Variants in SLIT1 observed in about 807,000 individuals in gnomAD.
SLIT1 encodes slit homolog 1 protein.
In SLIT1, 66 loss-of-function variants were observed where a neutral mutation model predicts 186.1. The ratio of observed to expected loss-of-function variants is 0.35; its 90% confidence interval spans 0.29 to 0.44. The LOEUF (loss-of-function observed/expected upper bound fraction) is 0.44, where lower values mean the gene tolerates loss of function less well. Ranked by LOEUF, SLIT1 falls within the 20% of genes least tolerant of loss-of-function variation. SLIT1 has a pLI of 1.00. For missense variants in SLIT1, 1,638 were observed against 2,037.4 expected, an observed-to-expected ratio of 0.80 and a Z score of 3.77; for synonymous variants, 761 against 833.8, an observed-to-expected ratio of 0.91 and a Z score of 1.50.
intron 12 of SLIT1, 112 bp from the exon 13 acceptor site, chr10:97,056,576 A>T: frequency 5.9e-6 from 7 of 1,187,252 alleles, no homozygotes; most frequent in Non-Finnish European, 8.5e-6. Flanking sequence ...GGAGGAGCCC[A>T]TCGGAGCAGG....
rs189458543 is a variant in SLIT1 at position 97,081,515 on chromosome 10, C to T, written c.414-15429G>A. ...CATTCTTCCACACCTCAGTCTTCTACGGGGCTGTCACACCCTGTCAGTCTT... is the reference window on the plus strand; with the variant it reads ...CATTCTTCCACACCTCAGTCTTCTATGGGGCTGTCACACCCTGTCAGTCTT... On this transcript the variant is annotated intron_variant, in intron 4 of 36. Transcript: ENST00000266058. 3.9e-5 allele frequency among the ~76,000 whole-genome samples: 6 copies of T among 152,220 alleles called. No individual in the cohort carries two copies. The East Asian group carries it at 7.7e-4, about 20-fold the overall frequency.
rs5787218 is a variant in SLIT1, at chr10:97,106,387, A to AGAATGAAT, written c.414-40309_414-40302dup. On this transcript the variant is annotated intron_variant, in intron 4 of 36. Transcript: ENST00000266058. The stretch of plus-strand genomic sequence containing the variant: ...GACTAGGGGAGGGAGAGAGACAGAG[A>AGAATGAAT]GAATGAATGAATGAATGAACGAATG... Among the ~76,000 whole-genome samples the AGAATGAAT allele has an allele frequency of 9.7e-5, 14 of 144,916 alleles. No individual in the cohort carries two copies. The South Asian group carries it at 1.1e-3, about 11-fold the overall frequency.
At chr10:97,141,756 CGTATCGTATT>C (rs1381906859) in intron 4 of SLIT1, among the ~76,000 whole-genome samples, 1 of 141,224 alleles carries the variant, frequency 7.1e-6, no homozygotes, top group Non-Finnish European at 1.5e-5. Context: ...CGTATCGTAT[CGTATCGTATT>C]GTATCGTACT....
At chr10:97,132,101 G>A (rs111725449) in intron 4 of SLIT1, among the ~76,000 whole-genome samples, 1 of 152,178 alleles carries the variant, frequency 6.6e-6, no homozygotes, top group Non-Finnish European at 1.5e-5. Context: ...CATGCCCCAG[G>A]CTCACTGCCC....
intron 1 of SLIT1, among the ~76,000 whole-genome samples, chr10:97,166,569 G>GAGAGAGAAAGAAAGAA (rs1444883867): frequency 3.4e-5 from 2 of 58,962 alleles, no homozygotes; most frequent in South Asian, 5.6e-4. Context: ...GAGAGAGAGA[G>GAGAGAGAAAGAAAGAA]AGAAAGAAAG....
At chr10:97,137,620 CTA>C (rs1334682276) in intron 4 of SLIT1, among the ~76,000 whole-genome samples, 1 of 152,070 alleles carries the variant, frequency 6.6e-6, no homozygotes, top group Admixed American at 6.6e-5. Flanking sequence ...AGGTCTCACT[CTA>C]TGCCCAGGCT....
intron 4 of SLIT1, among the ~76,000 whole-genome samples, chr10:97,143,099 A>G (rs1589409514): frequency 6.6e-6 from 1 of 152,194 alleles, no homozygotes; most frequent in Admixed American, 6.5e-5. Flanking sequence ...TAAAAATAGA[A>G]CTGCCATATG....
intron 4 of SLIT1, among the ~76,000 whole-genome samples, chr10:97,104,979 G>A (rs926231537): frequency 5.3e-5 from 8 of 151,712 alleles, no homozygotes; most frequent in African/African-American, 7.3e-5. Flanking sequence ...GCTTATCTGC[G>A]GGGCTTAGCC....
intron 4 of SLIT1, among the ~76,000 whole-genome samples, chr10:97,133,822 G>A (rs1330045296): frequency 6.6e-6 from 1 of 152,144 alleles, no homozygotes; most frequent in African/African-American, 2.4e-5. Flanking sequence ...GGATCTGGAT[G>A]TTTCATAGGC....
Position 97,010,923 on chromosome 10 carries a change from G to A in SLIT1, c.3341+70C>T, listed in dbSNP as rs1564652859. 3 of 1,497,396 alleles carry A rather than the reference G, an allele frequency of 2.0e-6. No individual in the cohort carries two copies. The highest frequency in any genetic ancestry group is 1.4e-5 in the African/African-American group (1 of 71,860). 92.8% of individuals were successfully genotyped at this position (1,497,396 alleles called of 1,614,324 possible). On this transcript the variant is annotated intron_variant, in intron 31 of 36. Transcript: ENST00000266058. This position sits in a 1 kb window ranked among gnomAD's most constrained non-coding sequence, Gnocchi z 4.8. ...CACACCCCTTTCCTTCGCCATGGCT[G>A]GAGGCTCCTGCCAGCCCAGGGGCTG...
intron 4 of SLIT1, among the ~76,000 whole-genome samples, chr10:97,108,167 G>T (rs968599884): frequency 1.3e-5 from 2 of 152,164 alleles, no homozygotes; most frequent in Admixed American, 6.5e-5. Flanking sequence ...CCCCTGGGGT[G>T]GCATCAGCAC....
At chr10:97,061,779 T>C (rs1355705462) in intron 8 of SLIT1, among the ~76,000 whole-genome samples, 1 of 152,194 alleles carries the variant, frequency 6.6e-6, no homozygotes, top group East Asian at 1.9e-4. Flanking sequence ...ACACACCTAG[T>C]AGGAGTTGGA....
At chr10:97,064,301 C>T (rs774230949) in intron 6 of SLIT1, 62 bp from the exon 7 acceptor site, 4 of 1,392,342 alleles carry the variant, frequency 2.9e-6, no homozygotes, top group Non-Finnish European at 4.1e-6. Context: ...TGGGACAGGG[C>T]CGCCCTGCTA....
At chr10:97,001,897 C>T (rs1848313202) in intron 36 of SLIT1, among the ~76,000 whole-genome samples, 1 of 152,080 alleles carries the variant, frequency 6.6e-6, no homozygotes, top group South Asian at 2.1e-4. Flanking sequence ...GGAGCTGTTA[C>T]CCTGGGTGGT....
At position 97,062,158 on chromosome 10, in the gene SLIT1, C is replaced by T. The variant is rs150529027; in HGVS notation, c.793+1297G>A. Among the ~76,000 whole-genome samples, 39 of 152,366 alleles carry T rather than the reference C, an allele frequency of 2.6e-4. No homozygotes were observed. In the East Asian group the frequency reaches 5.8e-3, roughly 23 times the overall value. Reference sequence around the variant, plus strand: ...GCAGCTGCAATGATGCAGAGGCAGTCCTGGCTCACACAAGAGACATGCACA... The same window carrying T: ...GCAGCTGCAATGATGCAGAGGCAGTTCTGGCTCACACAAGAGACATGCACA... On this transcript the variant is annotated intron_variant, in intron 8 of 36. Transcript: ENST00000266058.
chr10:97,172,178 G>T (rs1417477606), intron 1 of SLIT1, among the ~76,000 whole-genome samples: 4 of 151,988 alleles, frequency 2.6e-5, no homozygotes, highest in Non-Finnish European at 5.9e-5. Context: ...AAGTAGCTGG[G>T]ATTACAGGCA....
intron 4 of SLIT1, among the ~76,000 whole-genome samples, chr10:97,072,664 G>A (rs1279072063): frequency 6.6e-6 from 1 of 152,216 alleles, no homozygotes; most frequent in East Asian, 1.9e-4. Flanking sequence ...ACAGGAAAGT[G>A]AATTTGGGGC....
intron 4 of SLIT1, among the ~76,000 whole-genome samples, chr10:97,096,300 G>A (rs1035296210): frequency 2.6e-5 from 4 of 151,894 alleles, no homozygotes; most frequent in Non-Finnish European, 5.9e-5. Flanking sequence ...TATTTCCTTC[G>A]TGTCTGTCTC....
intron 1 of SLIT1, among the ~76,000 whole-genome samples, chr10:97,169,729 G>T (rs1456879182): frequency 6.6e-6 from 1 of 152,196 alleles, no homozygotes. Context: ...ACTTCTTCCT[G>T]GGCACCAACT....
Sources: allele counts gnomAD v4.1 joint callset (sites outside exome capture counted in the v4.1 genomes callset), GRCh38; gene constraint gnomAD v4.1.1; non-coding constraint Gnocchi (gnomAD v3.1); transcripts MANE v1.5; gene names NCBI Gene and HGNC (gene_info 2026-07-23, HGNC 2026-07-21).